Variants in DIP2C observed in about 807,000 individuals in gnomAD.
The protein encoded by DIP2C is DIP2 acetate--CoA ligase C (putative), also known as disco-interacting protein 2 homolog C.
Under a neutral mutation model 192.4 loss-of-function variants are expected in DIP2C, and 33 were observed. The observed-to-expected ratio is 0.17, with a 90% CI of 0.13 to 0.23. DIP2C has a LOEUF of 0.23. Among genes scored for constraint, DIP2C ranks in the 10% least tolerant of loss-of-function variants. The pLI, the probability that DIP2C is intolerant of heterozygous loss-of-function variation, is 1.00. For missense variants in DIP2C, 1,537 were observed against 2,110.1 expected (o/e 0.73, Z 5.32); for synonymous variants, 979 against 864.1 (o/e 1.13, Z -2.33).
intron 1 of DIP2C, among the ~76,000 whole-genome samples, chr10:588,902 T>A (rs1040556056): frequency 1.3e-5 from 2 of 152,168 alleles, no homozygotes; most frequent in African/African-American, 4.8e-5. Context: ...CACGTTTGTG[T>A]GAGTTCAGTT....
At chr10:300,301 T>G (rs1036069715) in intron 32 of DIP2C, among the ~76,000 whole-genome samples, 2 of 152,190 alleles carry the variant, frequency 1.3e-5, no homozygotes, top group Non-Finnish European at 2.9e-5. Context: ...CAAGGAAATA[T>G]TATTCAATCT....
chr10:393,824 AG>A lies in DIP2C; in HGVS notation c.1261-2962del, dbSNP rs1338529075. On this transcript the variant is annotated intron_variant, in intron 10 of 36. Transcript: ENST00000280886. ...AAAAAAAAGAAAAAGAAAAAGGAAA[AG>A]GAAAAAAAAAAAAAACAACCCACAA... 6.4e-4 allele frequency among the ~76,000 whole-genome samples: 94 copies of A among 146,178 alleles called. 2 individuals are homozygous for A. Among genetic ancestry groups the A allele is most frequent in the South Asian group, 4.6e-3 (21 of 4,588 alleles).
chr10:401,850 T>C (rs1964479259), intron 9 of DIP2C, among the ~76,000 whole-genome samples: 1 of 151,654 alleles, frequency 6.6e-6, no homozygotes, highest in Non-Finnish European at 1.5e-5. Flanking sequence ...GCATTAGCAT[T>C]ACTCTTCCTT....
chr10:530,916 C>T (rs969571353), intron 1 of DIP2C, among the ~76,000 whole-genome samples: 1 of 152,280 alleles, frequency 6.6e-6, no homozygotes, highest in South Asian at 2.1e-4. Context: ...TTTAGAGGAA[C>T]GCTGCCCACG....
intron 1 of DIP2C, among the ~76,000 whole-genome samples, chr10:508,127 C>G (rs1260223073): frequency 2.9e-5 from 4 of 135,866 alleles, no homozygotes; most frequent in South Asian, 2.3e-4. Context: ...TCCTCCCTCA[C>G]GCCACAGAGG....
chr10:582,981 A>G (rs1030827092), intron 1 of DIP2C, among the ~76,000 whole-genome samples: 1 of 152,240 alleles, frequency 6.6e-6, no homozygotes, highest in Non-Finnish European at 1.5e-5. Flanking sequence ...TTTTCTCCAT[A>G]AACAAAACAC....
intron 1 of DIP2C, among the ~76,000 whole-genome samples, chr10:545,040 C>T (rs80006208): frequency 0.01 from 1,558 of 152,184 alleles, 31 homozygotes; most frequent in African/African-American, 0.035. Context: ...ACTGTGTCCC[C>T]GCAAGATTCC....
intron 1 of DIP2C, among the ~76,000 whole-genome samples, chr10:598,864 G>C (rs1851881399): frequency 6.6e-6 from 1 of 152,206 alleles, no homozygotes; most frequent in South Asian, 2.1e-4. Flanking sequence ...CAATTATTTT[G>C]AAACATCACT....
At chr10:577,007 TTG>T (rs1850204507) in intron 1 of DIP2C, among the ~76,000 whole-genome samples, 1 of 152,368 alleles carries the variant, frequency 6.6e-6, no homozygotes, top group South Asian at 2.1e-4. Context: ...TAGCTGGTAG[TTG>T]ATCCAGTTTT....
chr10:458,576 G>C (rs1969495007), intron 3 of DIP2C, among the ~76,000 whole-genome samples: 1 of 150,774 alleles, frequency 6.6e-6, no homozygotes, highest in Non-Finnish European at 1.5e-5. Flanking sequence ...CAGAACCCGT[G>C]ACGGCAAGGA....
At chr10:586,144 G>A (rs771317164) in intron 1 of DIP2C, among the ~76,000 whole-genome samples, 87 of 152,192 alleles carry the variant, frequency 5.7e-4, no homozygotes, top group Non-Finnish European at 1.1e-3. Context: ...TTCATTCCAC[G>A]TTTCCTTCTA....
intron 1 of DIP2C, among the ~76,000 whole-genome samples, chr10:672,627 T>G (rs532151201): frequency 1.4e-3 from 220 of 152,346 alleles, no homozygotes; most frequent in African/African-American, 5.0e-3. Context: ...TGGCGACCGC[T>G]TAGAAACCAT....
At position 569,081 on chromosome 10, in the gene DIP2C, C is replaced by T. The variant is rs76285790; in HGVS notation, c.86-82551G>A. 4.8e-3 allele frequency among the ~76,000 whole-genome samples: 736 copies of T among 152,198 alleles called. 6 individuals carry two copies. Among genetic ancestry groups the T allele is most frequent in the African/African-American group, 0.016 (675 of 41,512 alleles). On this transcript the variant is annotated intron_variant, in intron 1 of 36. Coordinates refer to ENST00000280886, the MANE Select transcript of DIP2C (RefSeq NM_014974.3). Reference sequence around the variant, plus strand: ...GGGAGATCAGCTTTCAGGTAAGGTGCGGTCAAGGGTCTGCAAACCACAATC... The same window carrying T: ...GGGAGATCAGCTTTCAGGTAAGGTGTGGTCAAGGGTCTGCAAACCACAATC...
intron 10 of DIP2C, among the ~76,000 whole-genome samples, chr10:393,788 AAAAAAAAAG>A (rs1353868368): frequency 0.025 from 3,566 of 144,226 alleles, 45 homozygotes; most frequent in Non-Finnish European, 0.039. Flanking sequence ...CAAAAAAAAA[AAAAAAAAAG>A]AAAAAAAAAG....
At chr10:686,683 G>A (rs1048472250) in intron 1 of DIP2C, among the ~76,000 whole-genome samples, 10 of 152,246 alleles carry the variant, frequency 6.6e-5, no homozygotes, top group African/African-American at 2.2e-4. Context: ...TCTGTGGTGT[G>A]AGCTGGCCTC....
At chr10:601,744 T>C (rs1337326642) in intron 1 of DIP2C, among the ~76,000 whole-genome samples, 5 of 152,316 alleles carry the variant, frequency 3.3e-5, no homozygotes, top group Non-Finnish European at 5.9e-5. Context: ...CAGCCGAAAC[T>C]GTTCTCTCCT....
intron 1 of DIP2C, among the ~76,000 whole-genome samples, chr10:624,992 C>T (rs1033937938): frequency 6.6e-6 from 1 of 152,214 alleles, no homozygotes; most frequent in Non-Finnish European, 1.5e-5. Context: ...GCGGCGCAAC[C>T]TTGGCTGCCA....
At chr10:688,736 A>G (rs1831423805) in intron 1 of DIP2C, among the ~76,000 whole-genome samples, 1 of 152,252 alleles carries the variant, frequency 6.6e-6, no homozygotes, top group African/African-American at 2.4e-5. Flanking sequence ...CATGAAGAGC[A>G]AATAAGAGGC....
At chr10:560,469 C>T (rs1013877971) in intron 1 of DIP2C, among the ~76,000 whole-genome samples, 4 of 152,142 alleles carry the variant, frequency 2.6e-5, no homozygotes, top group Non-Finnish European at 4.4e-5. Context: ...AGCACACAGA[C>T]TTCTCATAAT....
Sources: allele counts gnomAD v4.1 joint callset (sites outside exome capture counted in the v4.1 genomes callset), GRCh38; gene constraint gnomAD v4.1.1; transcripts MANE v1.5; gene names NCBI Gene and HGNC (gene_info 2026-07-23, HGNC 2026-07-21).